The following MGRN1 variants were observed in gnomAD, a reference collection of about 807,000 sequenced individuals.
MGRN1 encodes E3 ubiquitin-protein ligase MGRN1.
In MGRN1, 29 loss-of-function variants were observed where a neutral mutation model predicts 69.2. The observed-to-expected ratio is 0.42, with a 90% CI of 0.31 to 0.57. The LOEUF (loss-of-function observed/expected upper bound fraction) is 0.57, where lower values mean the gene tolerates loss of function less well. MGRN1 is among the 20% of genes least tolerant of loss of function. The pLI, the probability that MGRN1 is intolerant of heterozygous loss-of-function variation, is 0.15. For synonymous variants in MGRN1, 470 were observed against 344.2 expected (o/e 1.37, Z -4.04); for missense variants, 998 against 796.2 (o/e 1.25, Z -3.05).
intron 1 of MGRN1, among the ~76,000 whole-genome samples, chr16:4,645,522 C>T (rs921459619): frequency 4.6e-5 from 7 of 152,160 alleles, no homozygotes; most frequent in Non-Finnish European, 1.0e-4. Flanking sequence ...TTAGAGCCTC[C>T]AGCCTAGAAC....
At chr16:4,650,515 G>T (rs1305346766) in intron 2 of MGRN1, 32 bp downstream of exon 2, 1 of 1,533,034 alleles carries the variant, frequency 6.5e-7, no homozygotes, top group South Asian at 1.2e-5. Flanking sequence ...TCATGGGGCT[G>T]TGGGGGTGGG....
chr16:4,684,816 A>T (rs546527468), intron 16 of MGRN1, among the ~76,000 whole-genome samples: 1 of 152,216 alleles, frequency 6.6e-6, no homozygotes, highest in East Asian at 1.9e-4. Flanking sequence ...TTCAGACATG[A>T]CCCCAGAGCC....
At chr16:4,629,597 G>C (rs1426653051) in intron 1 of MGRN1, among the ~76,000 whole-genome samples, 3 of 151,950 alleles carry the variant, frequency 2.0e-5, no homozygotes, top group Admixed American at 1.3e-4. Context: ...AAATTAGCTG[G>C]GCGTGGTGGC....
At chr16:4,662,860 G>A (rs1188239625) in intron 5 of MGRN1, among the ~76,000 whole-genome samples, 1 of 152,174 alleles carries the variant, frequency 6.6e-6, no homozygotes, top group Non-Finnish European at 1.5e-5. Flanking sequence ...CGGGCTCAGG[G>A]TTCCCTTGTG....
chr16:4,651,845 C>G, intron 2 of MGRN1, 118 bp from the exon 3 acceptor site: 2 of 887,342 alleles, frequency 2.3e-6, no homozygotes, highest in South Asian at 2.7e-5. Flanking sequence ...TATAGCCCCT[C>G]CCATGGGACT....
chr16:4,653,636 G>A (rs59585106), intron 4 of MGRN1, among the ~76,000 whole-genome samples: 6,310 of 145,464 alleles, frequency 0.043, 444 homozygotes, highest in African/African-American at 0.15. Context: ...CTACAGGCAC[G>A]TGCCACCACG....
At chr16:4,652,411 A>G (rs2078429892) in intron 3 of MGRN1, among the ~76,000 whole-genome samples, 1 of 151,862 alleles carries the variant, frequency 6.6e-6, no homozygotes, top group African/African-American at 2.4e-5. Flanking sequence ...AGGTTCAGAA[A>G]CTGCTTAAAC....
intron 7 of MGRN1, among the ~76,000 whole-genome samples, chr16:4,665,914 A>G (rs1182126206): frequency 1.4e-5 from 2 of 147,532 alleles, no homozygotes; most frequent in Non-Finnish European, 1.5e-5. Context: ...ACTGCAGCCT[A>G]CGCCTCCCGG....
intron 16 of MGRN1, among the ~76,000 whole-genome samples, chr16:4,685,211 G>C (rs1246824819): frequency 6.6e-6 from 1 of 152,134 alleles, no homozygotes; most frequent in Non-Finnish European, 1.5e-5. Flanking sequence ...AACTTGGGGG[G>C]TGATCGGGGA....
chr16:4,652,512 A>T (rs754186515), intron 3 of MGRN1, among the ~76,000 whole-genome samples, 166 bp from the exon 4 acceptor site: 2 of 152,136 alleles, frequency 1.3e-5, no homozygotes, highest in Non-Finnish European at 2.9e-5. Context: ...CAAGCCCTGG[A>T]CCACTGGGCT....
intron 16 of MGRN1, 41 bp from the exon 17 acceptor site, chr16:4,688,755 G>C: frequency 1.3e-6 from 2 of 1,513,260 alleles, no homozygotes; most frequent in Non-Finnish European, 1.8e-6. Context: ...GTGGCACCAG[G>C]CATCCGAGTG....
intron 12 of MGRN1, among the ~76,000 whole-genome samples, chr16:4,681,077 C>T (rs537174805): frequency 3.9e-5 from 6 of 152,370 alleles, no homozygotes; most frequent in African/African-American, 1.2e-4. Context: ...CCCGTTAGAA[C>T]CACCTGGAGC....
At chr16:4,657,135 G>T in intron 4 of MGRN1, 111 bp from the exon 5 acceptor site, 1 of 1,009,296 alleles carries the variant, frequency 9.9e-7, no homozygotes, top group Non-Finnish European at 1.5e-6. Flanking sequence ...ATGAGAGAGG[G>T]TCCCCAAAAG....
chr16:4,661,609 T>C (rs886851782), intron 5 of MGRN1, among the ~76,000 whole-genome samples: 4 of 152,256 alleles, frequency 2.6e-5, no homozygotes, highest in Admixed American at 2.6e-4. Context: ...ACTCTGGCCC[T>C]GGGCCAGTGC....
intron 1 of MGRN1, among the ~76,000 whole-genome samples, chr16:4,641,377 G>A (rs1473971656): frequency 2.0e-5 from 3 of 152,050 alleles, no homozygotes; most frequent in Non-Finnish European, 4.4e-5. Flanking sequence ...GAGTCACGCT[G>A]TTGCTTGGGC....
chr16:4,641,323 C>G (rs1370343104), intron 1 of MGRN1, among the ~76,000 whole-genome samples: 2 of 151,998 alleles, frequency 1.3e-5, no homozygotes, highest in Admixed American at 1.3e-4. Context: ...TGTGTGGATA[C>G]CCATGTGTGA....
chr16:4,650,592 G>C, intron 2 of MGRN1, 109 bp downstream of exon 2: 1 of 843,996 alleles, frequency 1.2e-6, no homozygotes, highest in Admixed American at 2.6e-5. Flanking sequence ...CACCCCTAAA[G>C]GGGGCAGAGC....
At chr16:4,660,645 C>T (rs368622073) in intron 5 of MGRN1, among the ~76,000 whole-genome samples, 1 of 152,218 alleles carries the variant, frequency 6.6e-6, no homozygotes, top group Non-Finnish European at 1.5e-5. Context: ...CTGCCTCCCC[C>T]GTTTGGCTCC....
chr16:4,650,277 T>G (rs558671919), intron 1 of MGRN1, 88 bp from the exon 2 acceptor site: 1 of 1,024,628 alleles, frequency 9.8e-7, no homozygotes. Context: ...CACTCCAGCC[T>G]GGGTGGAGCG....
Sources: allele counts gnomAD v4.1 joint callset (sites outside exome capture counted in the v4.1 genomes callset), GRCh38; gene constraint gnomAD v4.1.1; transcripts MANE v1.5; gene names NCBI Gene and HGNC (gene_info 2026-07-23, HGNC 2026-07-21).